Variants in IL4I1 observed in about 807,000 individuals in gnomAD.
The protein encoded by IL4I1 is interleukin 4 induced 1, also known as L-amino-acid oxidase.
Under a neutral mutation model 29.7 loss-of-function variants are expected in IL4I1, and 24 were observed. The ratio of observed to expected loss-of-function variants is 0.81; its 90% CI spans 0.59 to 1.14. The LOEUF is 1.14. IL4I1 is among the 50% of genes most tolerant of loss of function. The pLI is 0.00. For missense variants in IL4I1, 686 were observed against 785.6 expected (o/e 0.87, Z 1.52); for synonymous variants, 371 against 352.5 (o/e 1.05, Z -0.59).
At chr19:49,891,155 CCT>C in intron 6 of IL4I1, 48 bp from the exon 7 acceptor site, 2 of 1,592,282 alleles carry the variant, frequency 1.3e-6, no homozygotes, top group Non-Finnish European at 1.7e-6. Context: ...AGGCTGCACC[CCT>C]GAGAGAGCCC....
At chr19:49,924,085 G>A (rs2075827166) in intron 2 of IL4I1, among the ~76,000 whole-genome samples, 1 of 152,236 alleles carries the variant, frequency 6.6e-6, no homozygotes, top group Non-Finnish European at 1.5e-5. Context: ...TCTGGCAACT[G>A]TGAGCAGCAG....
intron 2 of IL4I1, chr19:49,908,450 T>A: frequency 6.2e-7 from 1 of 1,614,134 alleles, no homozygotes; most frequent in Non-Finnish European, 8.5e-7. Context: ...CTCGATGATG[T>A]CCTTGAGATC....
chr19:49,917,715 G>A (rs1243514520), intron 2 of IL4I1: 1 of 152,234 alleles, frequency 6.6e-6, no homozygotes, highest in East Asian at 1.9e-4. Context: ...CCCTGCCTGG[G>A]GTATGGCCAA....
intron 2 of IL4I1, chr19:49,909,984 A>G: frequency 5.6e-6 from 4 of 711,246 alleles, no homozygotes; most frequent in Non-Finnish European, 1.0e-5. Context: ...GGGATGGGAT[A>G]ATGATGCATG....
intron 2 of IL4I1, among the ~76,000 whole-genome samples, chr19:49,922,218 T>A (rs1354937806): frequency 6.6e-6 from 1 of 152,208 alleles, no homozygotes; most frequent in Non-Finnish European, 1.5e-5. Context: ...ACTCCTCAAG[T>A]TAGCCCAAAC....
intron 2 of IL4I1, chr19:49,907,615 C>CA (rs1368308401): frequency 5.0e-6 from 2 of 398,446 alleles, no homozygotes; most frequent in Non-Finnish European, 9.5e-6. Context: ...TGGTTCACTG[C>CA]AACACCTCCT....
chr19:49,898,050 G>C (rs889627471), upstream of IL4I1, among the ~76,000 whole-genome samples: 1 of 152,258 alleles, frequency 6.6e-6, no homozygotes, highest in Admixed American at 6.5e-5. Context: ...AGGGCCAGGG[G>C]TGGCTCACGC....
chr19:49,896,097 G>C (rs3810269), intron 2 of IL4I1, 44 bp from the exon 3 acceptor site: 33,984 of 1,591,528 alleles, frequency 0.021, 948 homozygotes, highest in East Asian at 0.13. Context: ...GGCAGGTCGG[G>C]GGAGAGGGGT....
chr19:49,898,722 A>C (rs927637870), upstream of IL4I1, among the ~76,000 whole-genome samples: 10 of 152,200 alleles, frequency 6.6e-5, no homozygotes, highest in Non-Finnish European at 1.3e-4. Flanking sequence ...ATAAAAAATT[A>C]GCCAGGCGTG....
intron 2 of IL4I1, chr19:49,909,701 G>C: frequency 6.2e-7 from 1 of 1,614,194 alleles, no homozygotes; most frequent in Non-Finnish European, 8.5e-7. Context: ...AGTGCCAGAG[G>C]TGGAGAAAGA....
chr19:49,924,769 G>C (rs2075845484), intron 2 of IL4I1, among the ~76,000 whole-genome samples: 1 of 152,192 alleles, frequency 6.6e-6, no homozygotes, highest in South Asian at 2.1e-4. Flanking sequence ...AGAGCTAAGG[G>C]TGCCAACTGG....
chr19:49,905,720 C>A (rs1295484483), intron 2 of IL4I1, among the ~76,000 whole-genome samples: 4 of 152,156 alleles, frequency 2.6e-5, no homozygotes, highest in Non-Finnish European at 5.9e-5. Flanking sequence ...CCACAGCCTC[C>A]CGAGTAGCTG....
chr19:49,901,625 G>C, upstream of IL4I1: 1 of 1,492,226 alleles, frequency 6.7e-7, no homozygotes, highest in African/African-American at 1.4e-5. Context: ...AGGGCCCCGG[G>C]TGGGGGCACT....
intron 4 of IL4I1, among the ~76,000 whole-genome samples, 197 bp from the exon 5 acceptor site, chr19:49,894,666 C>T (rs887311703): frequency 6.6e-6 from 1 of 151,302 alleles, no homozygotes; most frequent in South Asian, 2.1e-4. Context: ...CAGGGCAGTA[C>T]CAGGATTAGG....
chr19:49,926,574 A>G (rs1374901617), intron 2 of IL4I1, among the ~76,000 whole-genome samples: 10 of 152,174 alleles, frequency 6.6e-5, no homozygotes, highest in Admixed American at 6.5e-4. Flanking sequence ...CCCATGTACA[A>G]TCTAGAAGAT....
At chr19:49,914,494 C>A (rs1210240499) in intron 2 of IL4I1, among the ~76,000 whole-genome samples, 1 of 152,186 alleles carries the variant, frequency 6.6e-6, no homozygotes, top group African/African-American at 2.4e-5. Flanking sequence ...CCTTCCCTTC[C>A]TGCCTGCCTG....
chr19:49,899,022 C>T (rs1039995420), upstream of IL4I1, among the ~76,000 whole-genome samples: 1 of 152,252 alleles, frequency 6.6e-6, no homozygotes, highest in Non-Finnish European at 1.5e-5. Flanking sequence ...GAGTTTCATT[C>T]ACAGCGACAT....
At chr19:49,919,871 CTT>C (rs1294773155) in intron 2 of IL4I1, among the ~76,000 whole-genome samples, 1 of 152,132 alleles carries the variant, frequency 6.6e-6, no homozygotes, top group African/African-American at 2.4e-5. Flanking sequence ...TGGCCAATAA[CTT>C]TTATTTCTTA....
intron 2 of IL4I1, among the ~76,000 whole-genome samples, chr19:49,926,178 C>T (rs1279299010): frequency 7.3e-6 from 1 of 137,754 alleles, no homozygotes; most frequent in Non-Finnish European, 1.5e-5. Context: ...CACTGCACTC[C>T]AGCCTGGGCA....
Sources: allele counts gnomAD v4.1 joint callset (sites outside exome capture counted in the v4.1 genomes callset), GRCh38; gene constraint gnomAD v4.1.1; transcripts MANE v1.5; gene names NCBI Gene and HGNC (gene_info 2026-07-23, HGNC 2026-07-21).